LDLRAP1: variants seen among roughly 807,000 people sequenced by gnomAD.
LDLRAP1 encodes low density lipoprotein receptor adaptor protein 1, also known as low density lipoprotein receptor adapter protein 1.
Under a neutral mutation model 37.8 loss-of-function variants are expected in LDLRAP1, and 30 were observed. That is an observed-to-expected ratio of 0.79 (90% CI 0.59 to 1.08). The LOEUF (loss-of-function observed/expected upper bound fraction) is 1.08, where lower values mean the gene tolerates loss of function less well. Ranked by LOEUF, LDLRAP1 falls within the 50% of genes least tolerant of loss-of-function variation. The probability of loss-of-function intolerance (pLI) is 0.00; values close to 1 mark genes in which losing one functional copy is unlikely to be tolerated. For synonymous variants in LDLRAP1, 156 were observed against 169.8 expected, an observed-to-expected ratio of 0.92 and a Z score of 0.63; for missense variants, 375 against 401.6, an observed-to-expected ratio of 0.93 and a Z score of 0.57.
the LDLRAP1 span, among the ~76,000 whole-genome samples, chr1:25,578,469 A>G: frequency 5.2e-3 from 792 of 151,994 alleles, 11 homozygotes; most frequent in African/African-American, 0.018. Context: ...GTTAGACATC[A>G]TTACCTTATG....
chr1:25,557,754 C>A (rs996345904), intron 4 of LDLRAP1, among the ~76,000 whole-genome samples: 14 of 151,322 alleles, frequency 9.3e-5, no homozygotes, highest in African/African-American at 3.4e-4. Flanking sequence ...CAGCTGTGAC[C>A]AGAGTGTGGA....
rs1049626491 is a variant in LDLRAP1, at chr1:25,543,673, A to AGCG, written c.-14_-12dup. 5.7e-5 allele frequency: 69 copies of AGCG among 1,208,700 alleles called. No homozygotes were observed. The highest frequency in any genetic ancestry group is 6.5e-5 in the Non-Finnish European group (63 of 972,448). 74.9% of individuals were successfully genotyped at this position (1,208,700 alleles called of 1,614,324 possible). A position where few individuals can be genotyped will look rare whatever the true frequency, so the allele number is the denominator to read the frequency against. On this transcript the variant is annotated 5_prime_UTR_variant, in exon 1 of 9. Coordinates refer to ENST00000374338, the MANE Select transcript of LDLRAP1 (RefSeq NM_015627.3). Reference sequence around the variant, plus strand: ...TTCCTGACGGAGTTTTGGCTGCGGCAGCGGCGGCGGCGGCCGGAGCGGGCC... The same window carrying AGCG: ...TTCCTGACGGAGTTTTGGCTGCGGCAGCGGCGGCGGCGGCGGCCGGAGCGGGCC...
the LDLRAP1 span, among the ~76,000 whole-genome samples, chr1:25,582,934 T>G: frequency 6.6e-6 from 1 of 151,740 alleles, no homozygotes; most frequent in Non-Finnish European, 1.5e-5. Context: ...TAGCTAGGCG[T>G]GGTGACGCAG....
At chr1:25,566,591 T>A (rs557613625) in intron 8 of LDLRAP1, among the ~76,000 whole-genome samples, 4 of 144,810 alleles carry the variant, frequency 2.8e-5, no homozygotes, top group Non-Finnish European at 6.1e-5. Context: ...GGGCATGTCC[T>A]GACTGAGCTG....
chr1:25,576,471 A>G, the LDLRAP1 span, among the ~76,000 whole-genome samples: 1 of 152,254 alleles, frequency 6.6e-6, no homozygotes, highest in African/African-American at 2.4e-5. Flanking sequence ...GGTTGCAGTG[A>G]GCCGAGACCG....
At chr1:25,573,046 C>T (rs1233246658), downstream of LDLRAP1, among the ~76,000 whole-genome samples, 2 of 141,360 alleles carry the variant, frequency 1.4e-5, no homozygotes, top group African/African-American at 5.4e-5. Context: ...GTCTCCTCAC[C>T]TGTTAAATAG....
chr1:25,586,589 T>TGTGTGTGCGTGTGCGCGC, the LDLRAP1 span, among the ~76,000 whole-genome samples: 1 of 126,984 alleles, frequency 7.9e-6, no homozygotes, highest in African/African-American at 3.9e-5. This position sits in a 1 kb window ranked among gnomAD's most constrained non-coding sequence, Gnocchi z 4.3. Flanking sequence ...TGCGCGCGTG[T>TGTGTGTGCGTGTGCGCGC]GTGTGTGTGT....
chr1:25,551,646 C>T (rs2044073789), intron 1 of LDLRAP1, among the ~76,000 whole-genome samples: 1 of 152,178 alleles, frequency 6.6e-6, no homozygotes, highest in Non-Finnish European at 1.5e-5. Context: ...GGACTGGGGA[C>T]ATCTCAGGGA....
At chr1:25,563,186 G>T in intron 6 of LDLRAP1, 33 bp downstream of exon 6, 1 of 1,594,308 alleles carries the variant, frequency 6.3e-7, no homozygotes, top group Non-Finnish European at 8.6e-7. Context: ...GATTGGCCAT[G>T]CGGTGTTGGG....
chr1:25,564,977 C>G (rs368109931), intron 7 of LDLRAP1, 196 bp from the exon 8 acceptor site: 130 of 631,720 alleles, frequency 2.1e-4, no homozygotes, highest in African/African-American at 1.9e-3. Flanking sequence ...TCTCCCACGT[C>G]TCCAGCTTTG....
intron 5 of LDLRAP1, 138 bp downstream of exon 5, chr1:25,562,854 A>G: frequency 1.4e-5 from 10 of 729,324 alleles, no homozygotes; most frequent in Non-Finnish European, 2.0e-5. Context: ...CACCGCTCAG[A>G]GTCTCGGTTT....
the LDLRAP1 span, among the ~76,000 whole-genome samples, chr1:25,575,423 T>TAA: frequency 0.028 from 3,005 of 108,554 alleles, 127 homozygotes; most frequent in African/African-American, 0.087. Flanking sequence ...CTGTCTCTAC[T>TAA]AAAAAAAAAA....
At chr1:25,578,239 T>C in the LDLRAP1 span, among the ~76,000 whole-genome samples, 11 of 152,152 alleles carry the variant, frequency 7.2e-5, no homozygotes, top group Non-Finnish European at 1.5e-4. Context: ...TTTTAAAGCA[T>C]TAAAATTAGT....
chr1:25,549,742 G>A (rs74740519), intron 1 of LDLRAP1, among the ~76,000 whole-genome samples: 7,730 of 149,080 alleles, frequency 0.052, 461 homozygotes, highest in African/African-American at 0.15. Context: ...TGTGGCTGGC[G>A]AGTAGGGCGG....
rs182107472 is a variant in LDLRAP1, at chr1:25,556,331, G to A, written c.345-822G>A. On this transcript the variant is annotated intron_variant, in intron 3 of 8. Coordinates refer to ENST00000374338, the MANE Select transcript of LDLRAP1 (RefSeq NM_015627.3). ...AGGGAGGGTGGGAGGCCGAGGGCTC[G>A]GGTGGCCCCTAGGTTACAGGTGCGA... Among the ~76,000 whole-genome samples the A allele has an allele frequency of 2.0e-5, 3 of 152,264 alleles. No homozygotes were observed. The East Asian group carries it at 5.8e-4, about 29-fold the overall frequency.
chr1:25,557,240 C>T lies in LDLRAP1; in HGVS notation c.432C>T (p.His144=), dbSNP rs200840583. The change falls in exon 4 of 9, where the codon CAC becomes CAT. Residue 144 remains histidine (H), a synonymous_variant. Transcript: ENST00000374338. ...AGCACAACCAGAGCCTCGAGTGCCA[C>T]GCCTTCCTCTGCACCAAGCGGAAGA... ...QSQHNQSLEC[H]AFLCTKRKMA... 1.7e-4 allele frequency: 271 copies of T among 1,614,022 alleles called. No homozygotes were observed. The African/African-American group carries it at 2.1e-3, about 12-fold the overall frequency.
chr1:25,553,893 G>A (rs1390733582), intron 1 of LDLRAP1, 29 bp from the exon 2 acceptor site: 1 of 1,611,852 alleles, frequency 6.2e-7, no homozygotes. Flanking sequence ...GAGCCGCAGG[G>A]TCTGAGGGCC....
At chr1:25,578,096 G>A in the LDLRAP1 span, among the ~76,000 whole-genome samples, 1 of 152,328 alleles carries the variant, frequency 6.6e-6, no homozygotes, top group South Asian at 2.1e-4. Context: ...GTTTTGTTCA[G>A]AGATCTCACC....
In LDLRAP1 at chr1:25,554,833, C is replaced by T. The variant is rs746223237; in HGVS notation, c.232-27C>T. 10 of 1,584,054 alleles carry T rather than the reference C, an allele frequency of 6.3e-6. No individual in the cohort carries two copies. The highest frequency in any genetic ancestry group is 1.1e-5 in the South Asian group (1 of 89,738). The stretch of plus-strand genomic sequence containing the variant: ...GTGGGTCTCAAGTGAGGCTGGCAGA[C>T]TCCTCTGACTCCTGTCTGCTCCCAA... On this transcript the variant is annotated intron_variant, in intron 2 of 8. Transcript: ENST00000374338. This position sits in a 1 kb window ranked among gnomAD's most constrained non-coding sequence, Gnocchi z 5.4.
Sources: gnomAD v4.1 joint callset for allele counts (sites outside exome capture counted in the v4.1 genomes callset) on GRCh38, gnomAD v4.1.1 for gene constraint, Gnocchi (gnomAD v3.1) non-coding constraint, MANE v1.5 for transcripts, NCBI Gene and HGNC (gene_info 2026-07-23, HGNC 2026-07-21) for gene names.